MAST4: variants seen among roughly 807,000 people sequenced by gnomAD.
The protein encoded by MAST4 is microtubule associated serine/threonine kinase family member 4.
MAST4 carries 89 observed loss-of-function variants against 162.7 expected under a neutral mutation model. The observed-to-expected ratio is 0.55, with a 90% CI of 0.46 to 0.65. MAST4 has a LOEUF of 0.65. Ranked by LOEUF, MAST4 falls within the 30% of genes least tolerant of loss-of-function variation. MAST4 has a pLI of 0.00. For synonymous variants in MAST4, 1,479 were observed against 1,361.1 expected (o/e 1.09, Z -1.91); for missense variants, 3,153 against 3,374.0 (o/e 0.93, Z 1.62).
At chr5:66,605,744 C>T (rs895260054) in intron 1 of MAST4, among the ~76,000 whole-genome samples, 2 of 152,114 alleles carry the variant, frequency 1.3e-5, no homozygotes, top group Non-Finnish European at 2.9e-5. Context: ...GTTGGGTTCT[C>T]GCCACGATGC....
At chr5:67,007,056 A>G (rs1752120566) in intron 4 of MAST4, among the ~76,000 whole-genome samples, 1 of 152,154 alleles carries the variant, frequency 6.6e-6, no homozygotes, top group South Asian at 2.1e-4. Context: ...TCTGTCTCAA[A>G]GGGCTAGCAT....
In MAST4 at chr5:66,616,921, C is replaced by T. The variant is rs532421738; in HGVS notation, c.363+19903C>T. On this transcript the variant is annotated intron_variant, in intron 1 of 28. Transcript: ENST00000403625. ...CAATTGGTTGCTGAATTGCAGTGCT[C>T]AATTATCTGTGTAATAACATACTAT... 1.2e-4 allele frequency among the ~76,000 whole-genome samples: 19 copies of T among 152,148 alleles called. No homozygotes were observed. In the East Asian group the frequency reaches 3.5e-3, roughly 28 times the overall value.
chr5:66,919,531 C>T (rs552738101), intron 4 of MAST4, among the ~76,000 whole-genome samples: 3 of 151,864 alleles, frequency 2.0e-5, no homozygotes, highest in African/African-American at 7.3e-5. Context: ...CATGGTGGCA[C>T]ACGCCTGTAA....
chr5:66,731,922 G>C (rs1384837987), intron 1 of MAST4, among the ~76,000 whole-genome samples: 1 of 151,970 alleles, frequency 6.6e-6, no homozygotes, highest in Non-Finnish European at 1.5e-5. Context: ...ATGGAGATCT[G>C]TGACTCTGTC....
intron 4 of MAST4, chr5:66,917,424 A>C (rs762061429): frequency 5.0e-4 from 80 of 160,606 alleles, no homozygotes; most frequent in Admixed American, 2.5e-4. Flanking sequence ...ATTATTATTT[A>C]ATCAAATATG....
chr5:67,094,227 C>A, intron 6 of MAST4: 1 of 1,212,264 alleles, frequency 8.2e-7, no homozygotes, highest in Non-Finnish European at 1.2e-6. Flanking sequence ...TGAATTTTTC[C>A]GTCTTGTCTT....
chr5:66,823,095 C>T (rs1236106433), intron 3 of MAST4, among the ~76,000 whole-genome samples: 2 of 152,094 alleles, frequency 1.3e-5, no homozygotes, highest in Non-Finnish European at 2.9e-5. Flanking sequence ...TTATAAGGGG[C>T]TCTTCCCTTC....
intron 2 of MAST4, among the ~76,000 whole-genome samples, chr5:66,784,368 C>G (rs959991085): frequency 6.6e-5 from 10 of 152,008 alleles, no homozygotes; most frequent in Non-Finnish European, 1.2e-4. Flanking sequence ...CCAGCTTTAT[C>G]AAAGCTTAAT....
rs148004689 is a variant in MAST4, at chr5:66,889,084, G to A, written c.643-10867G>A. Among the ~76,000 whole-genome samples the A allele has an allele frequency of 2.3e-3, 343 of 152,286 alleles. 1 individual carries two copies. Among genetic ancestry groups the A allele is most frequent in the Non-Finnish European group, 4.1e-3 (278 of 68,020 alleles). On this transcript the variant is annotated intron_variant, in intron 3 of 28. Coordinates refer to ENST00000403625, the MANE Select transcript of MAST4 (RefSeq NM_001164664.2). ...CATTGTAGCTTTTATTGATTCTAGG[G>A]AATTGGACCCAACAATAAGCAATAA...
In MAST4 at chr5:66,757,812, T is replaced by C. The variant is rs566850067; in HGVS notation, c.364-1897T>C. ...AATGTTTTTCTGAAAAGTTTCTAAT[T>C]TAAAAATTGGCAGAAAAAATAATTG... On this transcript the variant is annotated intron_variant, in intron 1 of 28. Coordinates refer to ENST00000403625, the MANE Select transcript of MAST4 (RefSeq NM_001164664.2). Among the ~76,000 whole-genome samples the C allele has an allele frequency of 5.3e-5, 8 of 152,236 alleles. No individual in the cohort carries two copies. In the South Asian group the frequency reaches 6.2e-4, roughly 12 times the overall value.
intron 1 of MAST4, chr5:66,662,334 A>G (rs1746969191): frequency 6.6e-6 from 1 of 152,208 alleles, no homozygotes; most frequent in Non-Finnish European, 1.5e-5. Flanking sequence ...TAATTAAGTT[A>G]CAGTCTTCCA....
At chr5:66,957,496 A>G (rs1034613219) in intron 4 of MAST4, among the ~76,000 whole-genome samples, 5 of 151,892 alleles carry the variant, frequency 3.3e-5, no homozygotes, top group African/African-American at 1.2e-4. Context: ...TTTTCTACTA[A>G]ATTACAATTA....
chr5:67,092,364 C>G (rs1489858686), intron 6 of MAST4, among the ~76,000 whole-genome samples: 3 of 152,164 alleles, frequency 2.0e-5, no homozygotes, highest in African/African-American at 7.2e-5. Flanking sequence ...TATAATGACA[C>G]AGACTTGCTT....
chr5:66,707,113 C>T (rs1005374690), intron 1 of MAST4, among the ~76,000 whole-genome samples: 4 of 152,198 alleles, frequency 2.6e-5, no homozygotes, highest in African/African-American at 9.7e-5. Flanking sequence ...GTGAAGAGAG[C>T]CTATTATCTT....
intron 4 of MAST4, among the ~76,000 whole-genome samples, chr5:66,906,581 T>A (rs1047644516): frequency 6.6e-6 from 1 of 152,158 alleles, no homozygotes. Context: ...GTATTAGAAA[T>A]TCATTCTGCT....
intron 14 of MAST4, among the ~76,000 whole-genome samples, chr5:67,129,108 G>T (rs1463249969): frequency 6.6e-6 from 1 of 152,164 alleles, no homozygotes; most frequent in East Asian, 1.9e-4. Context: ...GAGATTGAGT[G>T]TAGCCTGGTC....
chr5:67,131,474 G>T (rs1478371284), intron 15 of MAST4, among the ~76,000 whole-genome samples: 1 of 152,110 alleles, frequency 6.6e-6, no homozygotes, highest in Non-Finnish European at 1.5e-5. Context: ...CTAGGATTTG[G>T]ACTCAGGTAG....
intron 24 of MAST4, among the ~76,000 whole-genome samples, chr5:67,151,556 G>A (rs190913734): frequency 6.6e-5 from 10 of 152,298 alleles, no homozygotes; most frequent in African/African-American, 2.4e-4. Context: ...AAAGAAAGCA[G>A]TAGATTTGGT....
chr5:66,799,380 C>T (rs1206640872), intron 3 of MAST4, among the ~76,000 whole-genome samples: 2 of 152,144 alleles, frequency 1.3e-5, no homozygotes, highest in South Asian at 4.1e-4. Flanking sequence ...TTAAGTAGGA[C>T]TGGAAGCATC....
Sources: gnomAD v4.1 joint callset for allele counts (sites outside exome capture counted in the v4.1 genomes callset) on GRCh38, gnomAD v4.1.1 for gene constraint, MANE v1.5 for transcripts, NCBI Gene and HGNC (gene_info 2026-07-23, HGNC 2026-07-21) for gene names.